WDPCP: variants seen among roughly 807,000 people sequenced by gnomAD.
WDPCP encodes the protein WD repeat-containing and planar cell polarity effector protein fritz homolog.
WDPCP carries 71 observed loss-of-function variants against 93.1 expected under a neutral mutation model. That is an observed-to-expected ratio of 0.76 (90% CI 0.63 to 0.93). The LOEUF is 0.93. Ranked by LOEUF, WDPCP falls within the 40% of genes least tolerant of loss-of-function variation. The probability of loss-of-function intolerance (pLI) is 0.00; values close to 1 mark genes in which losing one functional copy is unlikely to be tolerated. For synonymous variants in WDPCP, 315 were observed against 315.0 expected, an observed-to-expected ratio of 1.00 and a Z score of 0.00; for missense variants, 844 against 887.4, an observed-to-expected ratio of 0.95 and a Z score of 0.62.
chr2:63,575,445 A>ACAGTGTGTG (rs1707939422), intron 1 of WDPCP, among the ~76,000 whole-genome samples: 1 of 12,442 alleles, frequency 8.0e-5, no homozygotes, highest in African/African-American at 4.5e-4. Flanking sequence ...TACAGTGTAT[A>ACAGTGTGTG]CACTGTATAT....
At chr2:63,705,187 CTT>C (rs1193149991) in intron 2 of WDPCP, among the ~76,000 whole-genome samples, 2 of 152,094 alleles carry the variant, frequency 1.3e-5, no homozygotes, top group South Asian at 2.1e-4. Flanking sequence ...ATTCTTCTCT[CTT>C]TTCTTCTTTA....
intron 10 of WDPCP, among the ~76,000 whole-genome samples, chr2:63,391,310 A>G (rs1158752117): frequency 2.0e-5 from 3 of 152,228 alleles, no homozygotes; most frequent in Admixed American, 6.5e-5. Context: ...ATCTCAATAG[A>G]TGCAGAAAAG....
chr2:63,569,602 T>C (rs1707327028), intron 1 of WDPCP, among the ~76,000 whole-genome samples: 1 of 152,222 alleles, frequency 6.6e-6, no homozygotes, highest in Non-Finnish European at 1.5e-5. Flanking sequence ...GCTTTCTTCC[T>C]TCTATAGCTT....
chr2:63,285,994 TTCTC>T (rs59879682), intron 13 of WDPCP, among the ~76,000 whole-genome samples: 1 of 148,336 alleles, frequency 6.7e-6, no homozygotes, highest in Non-Finnish European at 1.5e-5. Flanking sequence ...TGAAACAAGT[TTCTC>T]TCTCTCTCTC....
chr2:63,291,989 C>T (rs369138509), intron 13 of WDPCP, among the ~76,000 whole-genome samples: 17 of 150,938 alleles, frequency 1.1e-4, no homozygotes, highest in Admixed American at 2.0e-4. Context: ...AAAAATTAGC[C>T]GGGCGCGGTG....
chr2:63,327,866 C>T (rs972457520), intron 12 of WDPCP, among the ~76,000 whole-genome samples: 8 of 152,166 alleles, frequency 5.3e-5, no homozygotes, highest in African/African-American at 7.2e-5. Context: ...CAAATGAGTT[C>T]GACTAACAAC....
chr2:63,531,265 G>A (rs1302494499), intron 1 of WDPCP, among the ~76,000 whole-genome samples: 1 of 152,210 alleles, frequency 6.6e-6, no homozygotes, highest in Non-Finnish European at 1.5e-5. Context: ...CTGGGGGCAG[G>A]GGATAGCTGA....
At chr2:63,283,534 T>A (rs927576631) in intron 13 of WDPCP, among the ~76,000 whole-genome samples, 1 of 152,234 alleles carries the variant, frequency 6.6e-6, no homozygotes, top group South Asian at 2.1e-4. Context: ...GATGGCTGTT[T>A]CTGAGCTGCA....
chr2:63,737,322 C>T (rs1669652857), intron 2 of WDPCP, among the ~76,000 whole-genome samples: 1 of 152,192 alleles, frequency 6.6e-6, no homozygotes. Context: ...ATATTCATGA[C>T]ACAAACAAGC....
intron 15 of WDPCP, among the ~76,000 whole-genome samples, chr2:63,174,017 G>A (rs1024879529): frequency 1.3e-5 from 2 of 151,994 alleles, no homozygotes; most frequent in African/African-American, 4.8e-5. Context: ...ATTGTCTGTG[G>A]CCACTTTTTT....
intron 6 of WDPCP, among the ~76,000 whole-genome samples, chr2:63,472,888 A>G (rs1330363413): frequency 6.6e-6 from 1 of 152,096 alleles, no homozygotes; most frequent in East Asian, 1.9e-4. Flanking sequence ...ACAGCATACC[A>G]TTCTTGTTTC....
At chr2:63,758,732 G>A (rs565609141) in intron 2 of WDPCP, among the ~76,000 whole-genome samples, 5 of 152,114 alleles carry the variant, frequency 3.3e-5, no homozygotes, top group South Asian at 4.2e-4. Context: ...GAGCCACTGC[G>A]TACAGCCCAG....
At chr2:63,191,253 G>A (rs1046213817) in intron 14 of WDPCP, among the ~76,000 whole-genome samples, 2 of 152,176 alleles carry the variant, frequency 1.3e-5, no homozygotes, top group African/African-American at 4.8e-5. Context: ...TTAGCCAGGC[G>A]TGGTGGCGGG....
intron 3 of WDPCP, among the ~76,000 whole-genome samples, chr2:63,627,698 C>T (rs1051732284): frequency 2.0e-5 from 3 of 152,170 alleles, no homozygotes; most frequent in Non-Finnish European, 4.4e-5. Context: ...CCAGAGACTG[C>T]CAGACTTGAA....
chr2:63,332,227 CT>C (rs1048113910), intron 12 of WDPCP, among the ~76,000 whole-genome samples: 3 of 151,420 alleles, frequency 2.0e-5, no homozygotes, highest in Admixed American at 1.3e-4. Context: ...TATCTCCCCC[CT>C]AACAGAAATA....
intron 14 of WDPCP, among the ~76,000 whole-genome samples, chr2:63,209,007 T>C (rs1183097930): frequency 6.6e-6 from 1 of 152,162 alleles, no homozygotes; most frequent in East Asian, 1.9e-4. Flanking sequence ...ATCTGGCTGG[T>C]GTGACTGGGT....
chr2:63,777,075 TC>T (rs1437730596), intron 2 of WDPCP, among the ~76,000 whole-genome samples: 1 of 152,162 alleles, frequency 6.6e-6, no homozygotes, highest in Non-Finnish European at 1.5e-5. Flanking sequence ...TTTTGAATGT[TC>T]CCACCACAAA....
chr2:63,426,945 C>T (rs892865041), intron 9 of WDPCP, among the ~76,000 whole-genome samples: 2 of 152,104 alleles, frequency 1.3e-5, no homozygotes, highest in Non-Finnish European at 2.9e-5. Context: ...ACTATTCTTA[C>T]ATCAGATAAA....
intron 2 of WDPCP, among the ~76,000 whole-genome samples, chr2:63,735,929 T>C (rs1013173984): frequency 1.3e-5 from 2 of 152,230 alleles, no homozygotes; most frequent in African/African-American, 4.8e-5. Flanking sequence ...ATAATACCAA[T>C]GGTTTTCGAG....
Sources: allele counts gnomAD v4.1 joint callset (sites outside exome capture counted in the v4.1 genomes callset), GRCh38; gene constraint gnomAD v4.1.1; transcripts MANE v1.5; gene names NCBI Gene and HGNC (gene_info 2026-07-23, HGNC 2026-07-21).